Variants in IKZF2 observed in about 807,000 individuals in gnomAD.
IKZF2 encodes the protein IKAROS family zinc finger 2.
In IKZF2, 15 loss-of-function variants were observed where a neutral mutation model predicts 49.2. The ratio of observed to expected loss-of-function variants is 0.30; its 90% CI spans 0.20 to 0.47. The LOEUF (loss-of-function observed/expected upper bound fraction) is 0.47. Among genes scored for constraint, IKZF2 ranks in the 20% least tolerant of loss-of-function variants. IKZF2 has a pLI of 1.00. For missense variants in IKZF2, 567 were observed against 664.6 expected (o/e 0.85, Z 1.61); for synonymous variants, 227 against 221.4 (o/e 1.03, Z -0.23).
intron 4 of IKZF2, among the ~76,000 whole-genome samples, chr2:213,130,117 T>C (rs2060426474): frequency 6.6e-6 from 1 of 152,218 alleles, no homozygotes; most frequent in Non-Finnish European, 1.5e-5. Context: ...TTCTTCTCTT[T>C]AGATAGGGAC....
chr2:213,116,675 T>C (rs574899716), intron 4 of IKZF2, among the ~76,000 whole-genome samples: 1 of 152,246 alleles, frequency 6.6e-6, no homozygotes, highest in Non-Finnish European at 1.5e-5. Context: ...GAGGTCGAAG[T>C]TGACACTGAG....
rs1701248102 is a variant in IKZF2 at position 213,057,207 on chromosome 2, A to G, written c.140-108T>C. On this transcript the variant is annotated intron_variant, in intron 4 of 8. Coordinates refer to ENST00000434687, the MANE Select transcript of IKZF2 (RefSeq NM_001387220.1). ...TACTAAATGGATGAAAATGATATAT[A>G]AAGTAGAATAGAGTTCATCATCGAA... 6.2e-6 allele frequency: 6 copies of G among 967,982 alleles called. No homozygotes were observed. The South Asian group carries it at 1.0e-4, about 17-fold the overall frequency. The allele number at this position is 967,982 out of a possible 1,614,324, so 60.0% of individuals were successfully genotyped here.
intron 4 of IKZF2, among the ~76,000 whole-genome samples, chr2:213,124,240 T>TC: frequency 8.4e-6 from 1 of 118,412 alleles, no homozygotes; most frequent in East Asian, 3.2e-4. Flanking sequence ...ACACATGCGC[T>TC]CGCGCGCGCG....
intron 7 of IKZF2, among the ~76,000 whole-genome samples, chr2:213,018,577 C>T (rs770309755): frequency 3.9e-5 from 6 of 152,108 alleles, no homozygotes; most frequent in Non-Finnish European, 7.4e-5. Context: ...AGACATTTTT[C>T]TTGATTTGAT....
chr2:213,014,030 C>G (rs1238062637), intron 7 of IKZF2, 96 bp from the exon 8 acceptor site: 2 of 1,167,468 alleles, frequency 1.7e-6, no homozygotes, highest in Middle Eastern at 2.0e-4. Flanking sequence ...GTTATAAAAG[C>G]TAGTATGCTT....
chr2:213,044,415 A>T lies in IKZF2; in HGVS notation c.574+5298T>A, dbSNP rs189495130. 2.6e-5 allele frequency among the ~76,000 whole-genome samples: 4 copies of T among 152,292 alleles called. No individual in the cohort carries two copies. The East Asian group carries it at 7.7e-4, about 29-fold the overall frequency. ...TCCTGACTGATAAAGAGTTACTGAT[A>T]TCAGAAATGGCCCAAAGCTCCAGTC... On this transcript the variant is annotated intron_variant, in intron 6 of 8. Transcript: ENST00000434687.
chr2:213,049,938 T>C, intron 5 of IKZF2, 58 bp from the exon 6 acceptor site: 1 of 1,258,688 alleles, frequency 7.9e-7, no homozygotes, highest in Non-Finnish European at 1.1e-6. Flanking sequence ...GTGACTAATT[T>C]GCCATCCACT....
At chr2:213,104,354 C>T (rs1205649713) in intron 4 of IKZF2, among the ~76,000 whole-genome samples, 3 of 151,904 alleles carry the variant, frequency 2.0e-5, no homozygotes, top group Non-Finnish European at 4.4e-5. Context: ...CATTCCTTAA[C>T]AAACTTGTTG....
intron 6 of IKZF2, among the ~76,000 whole-genome samples, chr2:213,027,366 T>C (rs1004277012): frequency 6.6e-6 from 1 of 152,146 alleles, no homozygotes; most frequent in Non-Finnish European, 1.5e-5. Flanking sequence ...TTTGTGCAGC[T>C]TTTAATTTTT....
chr2:213,127,449 A>T (rs2060304143), intron 4 of IKZF2, among the ~76,000 whole-genome samples: 1 of 152,206 alleles, frequency 6.6e-6, no homozygotes, highest in Admixed American at 6.5e-5. Flanking sequence ...ATACCAATAC[A>T]ACTAAGATAC....
chr2:213,012,735 TA>T (rs1696108250), intron 8 of IKZF2, among the ~76,000 whole-genome samples: 1 of 152,028 alleles, frequency 6.6e-6, no homozygotes, highest in Admixed American at 6.6e-5. Context: ...AAACCTTCTT[TA>T]AGTGTTTATT....
chr2:213,010,265 T>C (rs1343292746), intron 8 of IKZF2, among the ~76,000 whole-genome samples: 1 of 152,112 alleles, frequency 6.6e-6, no homozygotes, highest in Non-Finnish European at 1.5e-5. Flanking sequence ...AAGCAACTTC[T>C]GAAGCCAAGG....
chr2:213,111,870 A>T (rs2059714835), intron 4 of IKZF2, among the ~76,000 whole-genome samples: 1 of 152,156 alleles, frequency 6.6e-6, no homozygotes, highest in African/African-American at 2.4e-5. Flanking sequence ...CCTATTATTG[A>T]TCCATCCTTG....
chr2:213,064,413 T>C (rs1387417061), intron 4 of IKZF2, among the ~76,000 whole-genome samples: 2 of 152,008 alleles, frequency 1.3e-5, no homozygotes, highest in African/African-American at 4.8e-5. Context: ...TCCTCCCTAC[T>C]TTCATGGAAA....
At chr2:213,092,990 G>T (rs1388776762) in intron 4 of IKZF2, among the ~76,000 whole-genome samples, 1 of 152,124 alleles carries the variant, frequency 6.6e-6, no homozygotes, top group Non-Finnish European at 1.5e-5. Flanking sequence ...TCAGGGAGTG[G>T]CAGACTTCTA....
At chr2:213,008,296 A>T (rs564975083) in intron 8 of IKZF2, among the ~76,000 whole-genome samples, 1 of 150,476 alleles carries the variant, frequency 6.6e-6, no homozygotes, top group East Asian at 2.0e-4. Flanking sequence ...TCAGGGTGTG[A>T]TCTCTGCTCA....
At chr2:213,105,157 C>T (rs771026377) in intron 4 of IKZF2, among the ~76,000 whole-genome samples, 234 of 152,170 alleles carry the variant, frequency 1.5e-3, no homozygotes, top group Non-Finnish European at 2.9e-3. Flanking sequence ...CCAGGGACTC[C>T]CTGAAATGTC....
intron 6 of IKZF2, among the ~76,000 whole-genome samples, chr2:213,032,382 A>C (rs1698535896): frequency 2.0e-5 from 3 of 152,212 alleles, no homozygotes; most frequent in Admixed American, 6.5e-5. Flanking sequence ...AGTGTGCAAC[A>C]GAATTGTGTA....
At chr2:213,142,077 T>C (rs1029595236) in intron 4 of IKZF2, among the ~76,000 whole-genome samples, 2 of 152,004 alleles carry the variant, frequency 1.3e-5, no homozygotes, top group African/African-American at 4.8e-5. Context: ...TAAGAATTGA[T>C]TCTCTGTAGG....
Sources: gnomAD v4.1 joint callset for allele counts (sites outside exome capture counted in the v4.1 genomes callset) on GRCh38, gnomAD v4.1.1 for gene constraint, MANE v1.5 for transcripts, NCBI Gene and HGNC (gene_info 2026-07-23, HGNC 2026-07-21) for gene names.